The following PHACTR2 variants were observed in gnomAD, a reference collection of about 807,000 sequenced individuals.
The protein encoded by PHACTR2 is phosphatase and actin regulator 2, also known as chromosome 6 open reading frame 56.
In PHACTR2, 30 loss-of-function variants were observed where a neutral mutation model predicts 76.0. The ratio of observed to expected loss-of-function variants is 0.39; its 90% CI spans 0.30 to 0.54. PHACTR2 has a LOEUF of 0.54. Among genes scored for constraint, PHACTR2 ranks in the 20% least tolerant of loss-of-function variants. The pLI, the probability that PHACTR2 is intolerant of heterozygous loss-of-function variation, is 0.61. For missense variants in PHACTR2, 696 were observed against 781.1 expected (o/e 0.89, Z 1.30); for synonymous variants, 292 against 292.5 (o/e 1.00, Z 0.02).
chr6:143,547,868 G>A lies in PHACTR2; in HGVS notation c.217+10661G>A, dbSNP rs1324363651. 6.6e-6 allele frequency among the ~76,000 whole-genome samples: 1 copy of A among 151,728 alleles called. No individual in the cohort carries two copies. The highest frequency in any genetic ancestry group is 2.4e-5 in the African/African-American group (1 of 41,134). On this transcript the variant is annotated intron_variant, in intron 1 of 11. Coordinates refer to the PHACTR2 transcript ENST00000367584. The surrounding 1 kb of genome is among the most constrained non-coding windows in gnomAD (Gnocchi z 4.2). ...ACTCTCTCTTGCCCGCTGTATCTAT[G>A]TATGTATGTATGTACGTATGTATCT... is the stretch of plus-strand genomic sequence containing the variant.
chr6:143,655,594 C>T (rs116779052), intron 1 of PHACTR2, among the ~76,000 whole-genome samples: 1,785 of 152,288 alleles, frequency 0.012, 39 homozygotes, highest in African/African-American at 0.039. Context: ...ACTTCACTTG[C>T]TTTCTCAGAT....
chr6:143,819,926 C>G lies in PHACTR2; in HGVS notation c.1923-3748C>G, dbSNP rs917379730. ...TTGGCTCACAGTTCTGCAGGCTGTA[C>G]AGGAAGCATAGCAGCATCTGCTTCT... On this transcript the variant is annotated intron_variant, in intron 12 of 12. Transcript: ENST00000440869. This position sits in a 1 kb window ranked among gnomAD's most constrained non-coding sequence, Gnocchi z 5.0. Among the ~76,000 whole-genome samples the G allele has an allele frequency of 6.6e-6, 1 of 152,122 alleles. No individual in the cohort carries two copies. Among genetic ancestry groups the G allele is most frequent in the Non-Finnish European group, 1.5e-5 (1 of 68,016 alleles).
In PHACTR2 at chr6:143,733,113, G is replaced by A. The variant is rs1489253398; in HGVS notation, c.215-15872G>A. 6.6e-6 allele frequency among the ~76,000 whole-genome samples: 1 copy of A among 152,056 alleles called. No individual in the cohort carries two copies. The highest frequency in any genetic ancestry group is 1.5e-5 in the Non-Finnish European group (1 of 67,992). ...GGAGGCTTGCTCAGCTGCCCAGGCT[G>A]GGTGTCCAACTGGCTTCAAGTGATT... On this transcript the variant is annotated intron_variant, in intron 2 of 12. Transcript: ENST00000440869. The surrounding 1 kb of genome is among the most constrained non-coding windows in gnomAD (Gnocchi z 4.0).
In PHACTR2 at chr6:143,794,736, G is replaced by T. The variant is rs1582888075; in HGVS notation, c.1845+5826G>T. The stretch of plus-strand genomic sequence containing the variant: ...TTGAACCCAGGAGACAGAAGTTGCA[G>T]TGAGCTAAGATTATGCCGCCGCACT... On this transcript the variant is annotated intron_variant, in intron 11 of 12. Transcript: ENST00000440869. The surrounding 1 kb of genome is among the most constrained non-coding windows in gnomAD (Gnocchi z 4.1). Among the ~76,000 whole-genome samples, 1 of 152,320 alleles carries T rather than the reference G, an allele frequency of 6.6e-6. No homozygotes were observed. The highest frequency in any genetic ancestry group is 2.4e-5 in the African/African-American group (1 of 41,584).
rs1166335449 is a variant in PHACTR2, at chr6:143,697,756, G to A, written c.47-14260G>A. 6.6e-6 allele frequency among the ~76,000 whole-genome samples: 1 copy of A among 152,136 alleles called. No individual in the cohort carries two copies. The highest frequency in any genetic ancestry group is 2.4e-5 in the African/African-American group (1 of 41,428). ...CCTGCTAAAATAAATCATAGCCTAG[G>A]CCTTGTAAATTATTGCCCCACATTT... On this transcript the variant is annotated intron_variant, in intron 1 of 12. Transcript: ENST00000440869. This position sits in a 1 kb window ranked among gnomAD's most constrained non-coding sequence, Gnocchi z 4.4.
At chr6:143,587,079 G>A (rs1775638371) in intron 1 of PHACTR2, among the ~76,000 whole-genome samples, 1 of 152,160 alleles carries the variant, frequency 6.6e-6, no homozygotes, top group Non-Finnish European at 1.5e-5. Context: ...AAAAGGTACA[G>A]CTCACTACCA....
chr6:143,723,546 T>A (rs1582812114), intron 2 of PHACTR2, among the ~76,000 whole-genome samples: 1 of 152,314 alleles, frequency 6.6e-6, no homozygotes, highest in South Asian at 2.1e-4. Context: ...TGAATCCTCC[T>A]TGTCATCCAT....
chr6:143,627,766 T>A lies in PHACTR2; in HGVS notation c.13+19444T>A, dbSNP rs1342585780. On this transcript the variant is annotated intron_variant, in intron 1 of 11. Transcript: ENST00000305766. This position sits in a 1 kb window ranked among gnomAD's most constrained non-coding sequence, Gnocchi z 4.3. ...ACAGGCTCGTACCGCCACGCCCAGC[T>A]AATTTTTTGTATTTTTAGTAGAGAT... Among the ~76,000 whole-genome samples the A allele has an allele frequency of 6.6e-6, 1 of 152,118 alleles. No individual in the cohort carries two copies. Among genetic ancestry groups the A allele is most frequent in the African/African-American group, 2.4e-5 (1 of 41,424 alleles).
At position 143,742,643 on chromosome 6, in the gene PHACTR2, G is replaced by A. The variant is rs1778970318; in HGVS notation, c.215-6342G>A. The stretch of plus-strand genomic sequence containing the variant: ...ACAAATAACATGGACTAAGAGAGGG[G>A]GAATGTGGCTTCCCAAAGGAAAAAT... On this transcript the variant is annotated intron_variant, in intron 2 of 12. Coordinates refer to ENST00000440869, the MANE Select transcript of PHACTR2 (RefSeq NM_001100164.2). The surrounding 1 kb of genome is among the most constrained non-coding windows in gnomAD (Gnocchi z 4.5). 6.6e-6 allele frequency among the ~76,000 whole-genome samples: 1 copy of A among 152,142 alleles called. No homozygotes were observed. Among genetic ancestry groups the A allele is most frequent in the Admixed American group, 6.5e-5 (1 of 15,278 alleles).
rs892688283 is a variant in PHACTR2 at position 143,803,425 on chromosome 6, G to C, written c.1846-3632G>C. Among the ~76,000 whole-genome samples, 1 of 152,112 alleles carries C rather than the reference G, an allele frequency of 6.6e-6. No individual in the cohort carries two copies. Among genetic ancestry groups the C allele is most frequent in the Non-Finnish European group, 1.5e-5 (1 of 68,026 alleles). ...TAGCCAGGCATGATGGCGCACACCT[G>C]TAGGCCCAGCCACTCAGGAGGCTGA... On this transcript the variant is annotated intron_variant, in intron 11 of 12. Transcript: ENST00000440869. This position sits in a 1 kb window ranked among gnomAD's most constrained non-coding sequence, Gnocchi z 4.7.
chr6:143,743,224 A>G lies in PHACTR2; in HGVS notation c.215-5761A>G, dbSNP rs1452128350. 2.0e-5 allele frequency among the ~76,000 whole-genome samples: 3 copies of G among 152,234 alleles called. No individual in the cohort carries two copies. Among genetic ancestry groups the G allele is most frequent in the Non-Finnish European group, 4.4e-5 (3 of 68,048 alleles). On this transcript the variant is annotated intron_variant, in intron 2 of 12. Transcript: ENST00000440869. The surrounding 1 kb of genome is among the most constrained non-coding windows in gnomAD (Gnocchi z 5.0). ...TTCTAGGAAGAAGGAACAATACATG[A>G]AGGAATGGAGCTGAAGAACCGCAGA...
chr6:143,760,590 C>A lies in PHACTR2; in HGVS notation c.644C>A (p.Ala215Asp), dbSNP rs756435586. The stretch of plus-strand genomic sequence containing the variant: ...AATACCAAGGCTCCTGGTAAGCAGG[C>A]CCCCGTCCCTCCACCCAAGCCAGCA... ...KKNTKAPGKQ[A>D]PVPPPKPASR... The change falls in exon 5 of 13, where the codon GCC (alanine) becomes GAC (aspartate). Residue 215 changes from alanine to aspartate, a missense_variant. Ala to Asp is a moderately radical substitution (Grantham distance 126). This residue lies in a region of PHACTR2 where 460 missense variants were observed against 450.9 expected (regional missense o/e 1.02). Transcript: ENST00000440869. This position sits in a 1 kb window ranked among gnomAD's most constrained non-coding sequence, Gnocchi z 6.4. The A allele has an allele frequency of 3.1e-6, 5 of 1,613,930 alleles. No homozygotes were observed. In the South Asian group the frequency reaches 5.5e-5, roughly 18 times the overall value.
chr6:143,756,287 CAGTTGGTACA>C (rs898134769), intron 4 of PHACTR2, among the ~76,000 whole-genome samples: 3 of 152,158 alleles, frequency 2.0e-5, no homozygotes, highest in Non-Finnish European at 2.9e-5. Flanking sequence ...CCTGATTCTG[CAGTTGGTACA>C]GTGGTCTTGG....
At position 143,580,365 on chromosome 6, in the gene PHACTR2, G is replaced by A. The variant is rs1194623976; in HGVS notation, c.217+43158G>A. Reference sequence around the variant, plus strand: ...CCCGGCTTGGTGGCGGGCGCCTGTAGTCCCAGCTACTCTGGAGGCTGAGGC... The same window carrying A: ...CCCGGCTTGGTGGCGGGCGCCTGTAATCCCAGCTACTCTGGAGGCTGAGGC... On this transcript the variant is annotated intron_variant, in intron 1 of 11. Coordinates refer to the PHACTR2 transcript ENST00000367584. This position sits in a 1 kb window ranked among gnomAD's most constrained non-coding sequence, Gnocchi z 4.2. Among the ~76,000 whole-genome samples, 12 of 152,294 alleles carry A rather than the reference G, an allele frequency of 7.9e-5. No individual in the cohort carries two copies. Among genetic ancestry groups the A allele is most frequent in the Non-Finnish European group, 1.6e-4 (11 of 68,028 alleles).
chr6:143,702,372 G>T lies in PHACTR2; in HGVS notation c.47-9644G>T, dbSNP rs367614548. Among the ~76,000 whole-genome samples, 12 of 152,244 alleles carry T rather than the reference G, an allele frequency of 7.9e-5. No individual in the cohort carries two copies. The East Asian group carries it at 1.9e-3, about 24-fold the overall frequency. On this transcript the variant is annotated intron_variant, in intron 1 of 12. Transcript: ENST00000440869. ...TCTGCCCGCCTCGTCCTCCCAAAGT[G>T]CTGGGATTACAGGCGTGAGCCACGG...
chr6:143,659,116 T>C lies in PHACTR2; in HGVS notation c.13+50794T>C, dbSNP rs1296988923. 2.6e-5 allele frequency among the ~76,000 whole-genome samples: 4 copies of C among 152,140 alleles called. No individual in the cohort carries two copies. The East Asian group carries it at 7.7e-4, about 29-fold the overall frequency. On this transcript the variant is annotated intron_variant, in intron 1 of 11. Transcript: ENST00000305766. This position sits in a 1 kb window ranked among gnomAD's most constrained non-coding sequence, Gnocchi z 5.0. The stretch of plus-strand genomic sequence containing the variant: ...GACTGGAGGTTGCCCTAGGTAAGTC[T>C]GTGAGTGAGTGATGGGTGAATGTGA...
Position 143,592,821 on chromosome 6 carries a change from G to A in PHACTR2, c.217+55614G>A, listed in dbSNP as rs1300740897. Among the ~76,000 whole-genome samples, 1 of 152,006 alleles carries A rather than the reference G, an allele frequency of 6.6e-6. No individual in the cohort carries two copies. The highest frequency in any genetic ancestry group is 1.5e-5 in the Non-Finnish European group (1 of 68,004). ...CCAGCACTTTGGGAGGCCAAGGCGA[G>A]CAGATTACTTGAGCCTAGGAGTTTG... On this transcript the variant is annotated intron_variant, in intron 1 of 11. Transcript: ENST00000367584. This position sits in a 1 kb window ranked among gnomAD's most constrained non-coding sequence, Gnocchi z 4.0.
chr6:143,712,570 T>C (rs867595318), intron 2 of PHACTR2, among the ~76,000 whole-genome samples: 4 of 151,704 alleles, frequency 2.6e-5, no homozygotes, highest in Non-Finnish European at 4.4e-5. Context: ...TTTATATTAA[T>C]ATATAAATAT....
rs922887764 is a variant in PHACTR2 at position 143,807,327 on chromosome 6, G to T, written c.1922+194G>T. On this transcript the variant is annotated intron_variant, in intron 12 of 12. Coordinates refer to ENST00000440869, the MANE Select transcript of PHACTR2 (RefSeq NM_001100164.2). The surrounding 1 kb of genome is among the most constrained non-coding windows in gnomAD (Gnocchi z 5.5). ...TTCCGCTTCTCTCACATTCATCCTT[G>T]TTGGCTTTTAAGAACCTAATAGTCA... is the stretch of plus-strand genomic sequence containing the variant. Among the ~76,000 whole-genome samples the T allele has an allele frequency of 2.0e-5, 3 of 152,132 alleles. No homozygotes were observed. Among genetic ancestry groups the T allele is most frequent in the African/African-American group, 7.2e-5 (3 of 41,422 alleles).
Sources: allele counts gnomAD v4.1 joint callset (sites outside exome capture counted in the v4.1 genomes callset), GRCh38; gene constraint gnomAD v4.1.1; regional missense constraint gnomAD v4.1.1; non-coding constraint Gnocchi (gnomAD v3.1); transcripts MANE v1.5; gene names NCBI Gene and HGNC (gene_info 2026-07-23, HGNC 2026-07-21).